The following HMBOX1 variants were observed in gnomAD, a reference collection of about 807,000 sequenced individuals.
HMBOX1 encodes the protein homeobox containing 1, also known as homeobox-containing protein 1.
Under a neutral mutation model 54.5 loss-of-function variants are expected in HMBOX1, and 14 were observed. That is an observed-to-expected ratio of 0.26 (90% confidence interval 0.17 to 0.40). HMBOX1 has a LOEUF of 0.40. HMBOX1 is among the 10% of genes least tolerant of loss of function. HMBOX1 has a pLI of 1.00. For synonymous variants in HMBOX1, 160 were observed against 181.0 expected (o/e 0.88, Z 0.93); for missense variants, 332 against 514.4 (o/e 0.65, Z 3.43).
chr8:28,911,916 T>G (rs1275166396), intron 1 of HMBOX1, among the ~76,000 whole-genome samples: 1 of 152,182 alleles, frequency 6.6e-6, no homozygotes, highest in Non-Finnish European at 1.5e-5. Context: ...ATTTTTTAAC[T>G]TTATGATGGT....
intron 1 of HMBOX1, among the ~76,000 whole-genome samples, chr8:28,957,002 G>A (rs1157628995): frequency 6.6e-6 from 1 of 152,178 alleles, no homozygotes; most frequent in Non-Finnish European, 1.5e-5. Flanking sequence ...ACGTTGGCAA[G>A]GCCACTGTAG....
chr8:29,035,207 A>G (rs1803657852), intron 6 of HMBOX1, among the ~76,000 whole-genome samples: 1 of 152,170 alleles, frequency 6.6e-6, no homozygotes. Flanking sequence ...AGAGGTAGTC[A>G]TTTTGCAGAA....
intron 5 of HMBOX1, among the ~76,000 whole-genome samples, chr8:29,013,337 T>C (rs928704601): frequency 6.6e-6 from 1 of 152,218 alleles, no homozygotes; most frequent in African/African-American, 2.4e-5. Context: ...GGTTTCACCA[T>C]GTTGGCCAGG....
At position 29,051,742 on chromosome 8, in the gene HMBOX1, A is replaced by G; in HGVS notation, c.*587A>G. The G allele has an allele frequency of 1.6e-6, 1 of 609,716 alleles. No individual in the cohort carries two copies. Among genetic ancestry groups the G allele is most frequent in the South Asian group, 1.9e-5 (1 of 52,660 alleles). The allele number at this position is 609,716 out of a possible 1,614,324, so 37.8% of individuals were successfully genotyped here. On this transcript the variant is annotated 3_prime_UTR_variant, in exon 10 of 10. Transcript: ENST00000287701. The stretch of plus-strand genomic sequence containing the variant: ...TACTTCTTTGGGTGCTGTGCTAAGA[A>G]TGTCAATGGAAAAAGCCGATCTCAG...
In HMBOX1 at chr8:29,033,099, C is replaced by CTAT. The variant is rs145776903; in HGVS notation, c.852-12261_852-12259dup. Among the ~76,000 whole-genome samples, 387 of 152,158 alleles carry CTAT rather than the reference C, an allele frequency of 2.5e-3. 14 individuals carry two copies. In the East Asian group the frequency reaches 0.064, roughly 25 times the overall value. ...TTTAAAATGTGATGTTTGTCCTGGC[C>CTAT]TATAATGAATGAGGATGTAAAACGT... On this transcript the variant is annotated intron_variant, in intron 6 of 9. Coordinates refer to ENST00000287701, the MANE Select transcript of HMBOX1 (RefSeq NM_001135726.3).
intron 1 of HMBOX1, among the ~76,000 whole-genome samples, chr8:28,897,757 A>G (rs1375572379): frequency 2.0e-5 from 3 of 152,232 alleles, no homozygotes; most frequent in East Asian, 1.9e-4. Context: ...AGGATATGTT[A>G]GAATCTGTGT....
chr8:28,924,038 A>C (rs1817985807), intron 1 of HMBOX1, among the ~76,000 whole-genome samples: 1 of 151,674 alleles, frequency 6.6e-6, no homozygotes, highest in Non-Finnish European at 1.5e-5. Context: ...CATGATTTGC[A>C]AATATATTTT....
chr8:29,000,929 C>G (rs574625296), intron 4 of HMBOX1, among the ~76,000 whole-genome samples: 1 of 152,226 alleles, frequency 6.6e-6, no homozygotes, highest in East Asian at 1.9e-4. Flanking sequence ...TTGTTGGAAG[C>G]CTTTGGTAAT....
intron 1 of HMBOX1, among the ~76,000 whole-genome samples, chr8:28,900,647 A>G (rs1011207771): frequency 7.2e-5 from 11 of 152,124 alleles, no homozygotes; most frequent in African/African-American, 2.7e-4. Flanking sequence ...CTAAACATCT[A>G]GTTTTTATGG....
Position 29,018,908 on chromosome 8 carries a change from G to A in HMBOX1, c.846G>A (p.Met282Ile). 1 of 1,614,042 alleles carries A rather than the reference G, an allele frequency of 6.2e-7. No individual in the cohort carries two copies. Among genetic ancestry groups the A allele is most frequent in the Non-Finnish European group, 8.5e-7 (1 of 1,179,952 alleles). The change falls in exon 6 of 10, where the codon ATG becomes ATA. Residue 282 changes from methionine (M) to isoleucine (I), a missense_variant. Transcript: ENST00000287701. ...FTWRKECLAV[M>I]ESYFNENQYP... Reference sequence around the variant, plus strand: ...GGAGAAAGGAGTGCCTGGCTGTTATGGAAAGGTATGTGTCTCCTTTTTCTA... The same window carrying A: ...GGAGAAAGGAGTGCCTGGCTGTTATAGAAAGGTATGTGTCTCCTTTTTCTA...
At chr8:28,944,999 A>T (rs773249039) in intron 1 of HMBOX1, among the ~76,000 whole-genome samples, 1 of 152,140 alleles carries the variant, frequency 6.6e-6, no homozygotes, top group African/African-American at 2.4e-5. Context: ...CTTTCTCATC[A>T]TAGTTTGATT....
intron 5 of HMBOX1, among the ~76,000 whole-genome samples, chr8:29,015,472 C>T (rs141196010): frequency 6.6e-6 from 1 of 152,316 alleles, no homozygotes; most frequent in East Asian, 1.9e-4. Context: ...CCTTTTCACC[C>T]TTGCTATAGA....
chr8:28,892,760 A>G (rs1430577141), intron 1 of HMBOX1, among the ~76,000 whole-genome samples: 2 of 152,300 alleles, frequency 1.3e-5, no homozygotes, highest in East Asian at 3.9e-4. Context: ...TGATTTCTAA[A>G]TCTCAGATGT....
chr8:29,046,057 T>G (rs1331702169), intron 7 of HMBOX1, among the ~76,000 whole-genome samples: 2 of 152,260 alleles, frequency 1.3e-5, no homozygotes, highest in Admixed American at 1.3e-4. Flanking sequence ...CAGATTTTGT[T>G]AAACATAAAC....
At chr8:28,983,920 C>G (rs1458422582) in intron 4 of HMBOX1, among the ~76,000 whole-genome samples, 1 of 152,102 alleles carries the variant, frequency 6.6e-6, no homozygotes, top group African/African-American at 2.4e-5. Flanking sequence ...TACTGAACTC[C>G]TATGTTTTTT....
At chr8:29,006,229 A>G (rs1307194421) in intron 4 of HMBOX1, among the ~76,000 whole-genome samples, 2 of 151,970 alleles carry the variant, frequency 1.3e-5, no homozygotes, top group African/African-American at 4.8e-5. Context: ...TTGACCTCAG[A>G]CAATCCACCC....
intron 4 of HMBOX1, among the ~76,000 whole-genome samples, chr8:28,990,298 A>G (rs1286384689): frequency 6.6e-6 from 1 of 152,196 alleles, no homozygotes; most frequent in Non-Finnish European, 1.5e-5. Context: ...ATCATTAAGT[A>G]TGATCTTAGC....
intron 1 of HMBOX1, among the ~76,000 whole-genome samples, chr8:28,942,153 AGACCAGTT>A (rs1421964496): frequency 6.6e-6 from 1 of 152,232 alleles, no homozygotes; most frequent in African/African-American, 2.4e-5. Flanking sequence ...AGGCTGAATT[AGACCAGTT>A]CAAGGAGCCA....
intron 4 of HMBOX1, among the ~76,000 whole-genome samples, chr8:28,985,186 A>C (rs1829982979): frequency 6.6e-6 from 1 of 152,196 alleles, no homozygotes; most frequent in Non-Finnish European, 1.5e-5. Flanking sequence ...TATTTCTCAC[A>C]GTTCTGGAGG....
Sources: gnomAD v4.1 joint callset for allele counts (sites outside exome capture counted in the v4.1 genomes callset) on GRCh38, gnomAD v4.1.1 for gene constraint, MANE v1.5 for transcripts, NCBI Gene and HGNC (gene_info 2026-07-23, HGNC 2026-07-21) for gene names.